The following SDK1 variants were observed in gnomAD, a reference collection of about 807,000 sequenced individuals.
SDK1 encodes the protein protein sidekick-1.
In SDK1, 157 loss-of-function variants were observed where a neutral mutation model predicts 245.5. The observed-to-expected ratio is 0.64, with a 90% CI of 0.56 to 0.73. The LOEUF (loss-of-function observed/expected upper bound fraction) is 0.73, where lower values mean the gene tolerates loss of function less well. Ranked by LOEUF, SDK1 falls within the 30% of genes least tolerant of loss-of-function variation. SDK1 has a pLI of 0.00. For synonymous variants in SDK1, 1,647 were observed against 1,278.5 expected (o/e 1.29, Z -6.15); for missense variants, 3,583 against 3,002.3 (o/e 1.19, Z -4.52).
At chr7:3,643,679 T>A (rs1782726902) in intron 4 of SDK1, 2 of 134,448 alleles carry the variant, frequency 1.5e-5, no homozygotes, top group East Asian at 2.3e-4. Flanking sequence ...ATCTGTGGAA[T>A]CCCTTCCCTA....
Position 3,962,807 on chromosome 7 carries a change from A to G in SDK1, c.1385A>G (p.Asn462Ser), listed in dbSNP as rs753251642. The change falls in exon 9 of 45, where the codon AAT becomes AGT. Residue 462 changes from asparagine to serine, a missense_variant. By Grantham distance (46) the Asn-to-Ser change is conservative. Coordinates refer to ENST00000404826, the MANE Select transcript of SDK1 (RefSeq NM_152744.4). ...GGAATCTTCCAGTGCTTCGCCAGCA[A>G]TGAAGGAGGGGAGATCCAGACCCAC... is the stretch of plus-strand genomic sequence containing the variant. ...DSGIFQCFAS[N>S]EGGEIQTHTY... is the part of the protein sequence containing the mutation. The G allele has an allele frequency of 3.7e-5, 59 of 1,613,492 alleles. No individual in the cohort carries two copies. Among genetic ancestry groups the G allele is most frequent in the Non-Finnish European group, 5.0e-5 (59 of 1,179,838 alleles).
chr7:3,474,402 C>G (rs200991953), intron 1 of SDK1, among the ~76,000 whole-genome samples: 16 of 151,996 alleles, frequency 1.1e-4, no homozygotes, highest in South Asian at 6.2e-4. Context: ...CCATCTCTAC[C>G]AGATGTTTTA....
intron 1 of SDK1, among the ~76,000 whole-genome samples, chr7:3,540,058 A>T (rs1779010186): frequency 6.6e-6 from 1 of 152,220 alleles, no homozygotes; most frequent in South Asian, 2.1e-4. Context: ...AAAAAAACAC[A>T]TATGTGGATC....
In SDK1 at chr7:3,302,000, C is replaced by A. The variant is rs1440919976; in HGVS notation, c.298+116C>A. 8.9e-6 allele frequency: 7 copies of A among 790,322 alleles called. No homozygotes were observed. The African/African-American group carries it at 1.1e-4, about 13-fold the overall frequency. 49.0% of individuals were successfully genotyped at this position (790,322 alleles called of 1,614,324 possible). A position where few individuals can be genotyped will look rare whatever the true frequency, so the allele number is the denominator to read the frequency against. ...GCTTCCCGGCCCGGGTCGGGATGCG[C>A]CTTGCTGGGGGCTCTAGGGAGCCCA... On this transcript the variant is annotated intron_variant, in intron 1 of 44. Transcript: ENST00000404826.
chr7:3,462,044 A>G (rs1780847005), intron 1 of SDK1, among the ~76,000 whole-genome samples: 2 of 152,162 alleles, frequency 1.3e-5, no homozygotes, highest in Admixed American at 1.3e-4. Context: ...TTCTCTTTGC[A>G]TTTACAGCAA....
chr7:3,623,116 C>T (rs1160160362), intron 2 of SDK1, among the ~76,000 whole-genome samples: 2 of 152,056 alleles, frequency 1.3e-5, no homozygotes, highest in Admixed American at 1.3e-4. Context: ...ACTTTGGTGT[C>T]AGTTATGAAA....
chr7:3,614,714 A>G (rs974778968), intron 1 of SDK1, among the ~76,000 whole-genome samples: 5 of 152,192 alleles, frequency 3.3e-5, no homozygotes, highest in African/African-American at 1.2e-4. Flanking sequence ...GAGAAGTGCT[A>G]TTCCCCACCT....
At chr7:4,178,824 G>C (rs1051754129) in intron 35 of SDK1, among the ~76,000 whole-genome samples, 3 of 152,242 alleles carry the variant, frequency 2.0e-5, no homozygotes, top group African/African-American at 7.2e-5. Flanking sequence ...TAAAGGGTTT[G>C]TTCGATACCT....
chr7:4,176,887 C>T (rs536764401), intron 34 of SDK1, among the ~76,000 whole-genome samples: 1 of 152,340 alleles, frequency 6.6e-6, no homozygotes, highest in African/African-American at 2.4e-5. Context: ...CCTCCCTTCA[C>T]CCTTTCAATA....
chr7:4,204,688 G>A (rs963143231), intron 35 of SDK1, among the ~76,000 whole-genome samples: 1 of 152,154 alleles, frequency 6.6e-6, no homozygotes, highest in Non-Finnish European at 1.5e-5. Context: ...TGCACTCCTG[G>A]GCCGCAGCCC....
rs1383286428 is a variant in SDK1, at chr7:4,026,256, G to T, written c.2602+8904G>T. On this transcript the variant is annotated intron_variant, in intron 17 of 44. Coordinates refer to ENST00000404826, the MANE Select transcript of SDK1 (RefSeq NM_152744.4). This position sits in a 1 kb window ranked among gnomAD's most constrained non-coding sequence, Gnocchi z 4.1. ...AGACAGGGCATGGGAAGTGGGGGTC[G>T]GGAGAGGAAGAGGAAGAGACACCAA... 6.6e-6 allele frequency among the ~76,000 whole-genome samples: 1 copy of T among 152,226 alleles called. No individual in the cohort carries two copies. The highest frequency in any genetic ancestry group is 1.9e-4 in the East Asian group (1 of 5,196).
chr7:3,811,584 G>C (rs1749257914), intron 4 of SDK1, among the ~76,000 whole-genome samples: 1 of 152,172 alleles, frequency 6.6e-6, no homozygotes. Context: ...ATGTCCCTCT[G>C]TGCCTCTTTT....
intron 5 of SDK1, among the ~76,000 whole-genome samples, chr7:3,846,032 T>C (rs982303752): frequency 2.6e-5 from 4 of 152,216 alleles, no homozygotes; most frequent in African/African-American, 9.6e-5. Context: ...ATAACACATA[T>C]GTATTTCTGT....
chr7:3,939,935 C>T (rs569126782), intron 5 of SDK1, among the ~76,000 whole-genome samples: 4 of 152,346 alleles, frequency 2.6e-5, no homozygotes, highest in East Asian at 1.9e-4. Flanking sequence ...TGAAGTGTCA[C>T]GGAGCTGTCT....
intron 4 of SDK1, among the ~76,000 whole-genome samples, chr7:3,753,004 G>A (rs192439400): frequency 4.4e-4 from 67 of 152,144 alleles, no homozygotes; most frequent in African/African-American, 1.6e-3. Context: ...AAAGATAAAG[G>A]GTAGCCCACG....
At chr7:3,957,983 C>A (rs1236590246) in intron 7 of SDK1, 2 of 470,738 alleles carry the variant, frequency 4.2e-6, no homozygotes, top group Non-Finnish European at 8.8e-6. Context: ...TCAGCCGCTT[C>A]CCCCTTAATC....
At chr7:3,943,725 G>T (rs1780465772) in intron 5 of SDK1, among the ~76,000 whole-genome samples, 1 of 151,820 alleles carries the variant, frequency 6.6e-6, no homozygotes, top group African/African-American at 2.4e-5. Context: ...TTTTTTTTCT[G>T]TTTCAGAGAC....
chr7:3,564,743 C>T (rs181354436), intron 1 of SDK1, among the ~76,000 whole-genome samples: 6 of 152,034 alleles, frequency 3.9e-5, no homozygotes, highest in Admixed American at 3.9e-4. Flanking sequence ...CCAGAAAGCA[C>T]CTGAGAGAAT....
In SDK1 at chr7:3,657,438, G is replaced by A. The variant is rs1397083383; in HGVS notation, c.713+15333G>A. Among the ~76,000 whole-genome samples the A allele has an allele frequency of 2.0e-5, 3 of 152,304 alleles. No homozygotes were observed. In the East Asian group the frequency reaches 5.8e-4, roughly 29 times the overall value. On this transcript the variant is annotated intron_variant, in intron 4 of 44. Coordinates refer to ENST00000404826, the MANE Select transcript of SDK1 (RefSeq NM_152744.4). ...TGGAAAGAGGGTGAGGAGCGTCACT[G>A]TCTGGAAATTCAGGGTCCTACCCAA...
Sources: gnomAD v4.1 joint callset for allele counts (sites outside exome capture counted in the v4.1 genomes callset) on GRCh38, gnomAD v4.1.1 for gene constraint, Gnocchi (gnomAD v3.1) non-coding constraint, MANE v1.5 for transcripts, NCBI Gene and HGNC (gene_info 2026-07-23, HGNC 2026-07-21) for gene names.